Variants in CFAP418 observed in about 807,000 individuals in gnomAD.
The protein encoded by CFAP418 is cilia- and flagella-associated protein 418.
A neutral mutation model predicts 24.7 loss-of-function variants in CFAP418; 27 were observed. That is an observed-to-expected ratio of 1.09 (90% CI 0.81 to 1.51). The LOEUF (loss-of-function observed/expected upper bound fraction) is 1.51. CFAP418 is among the 40% of genes most tolerant of loss of function. The pLI is 0.00. For missense variants in CFAP418, 257 were observed against 255.2 expected (o/e 1.01, Z -0.05); for synonymous variants, 74 against 87.3 (o/e 0.85, Z 0.85).
rs550930511 is a variant in CFAP418 at position 95,267,737 on chromosome 8, G to A, written c.155+1298C>T. On this transcript the variant is annotated intron_variant, in intron 1 of 5. Coordinates refer to ENST00000286688, the MANE Select transcript of CFAP418 (RefSeq NM_177965.4). ...CCAAAGATGCAGCAAAAAAATTAACGGAGATGACGTTCTTAGATTGATCCA... is the reference window on the plus strand; with the variant it reads ...CCAAAGATGCAGCAAAAAAATTAACAGAGATGACGTTCTTAGATTGATCCA... 2.6e-4 allele frequency among the ~76,000 whole-genome samples: 39 copies of A among 152,230 alleles called. No homozygotes were observed. The East Asian group carries it at 6.2e-3, about 24-fold the overall frequency.
In CFAP418 at chr8:95,246,308, CAA is replaced by C. The variant is rs2132150570; in HGVS notation, c.*1307_*1308del. The C allele has an allele frequency of 6.6e-6, 1 of 152,226 alleles. No individual in the cohort carries two copies. The highest frequency in any genetic ancestry group is 2.4e-5 in the African/African-American group (1 of 41,520). The allele number at this position is 152,226 out of a possible 1,614,324, so 9.4% of individuals were successfully genotyped here. ...TTAGTCTGTCATAATATCCTTAATA[CAA>C]AAGTGTGAGGATTGGCCATTATAAG... is the stretch of plus-strand genomic sequence containing the variant. On this transcript the variant is annotated 3_prime_UTR_variant, in exon 6 of 6. Coordinates refer to ENST00000286688, the MANE Select transcript of CFAP418 (RefSeq NM_177965.4).
intron 2 of CFAP418, among the ~76,000 whole-genome samples, chr8:95,261,138 CAAACAACAT>C (rs1369919958): frequency 3.3e-5 from 5 of 152,022 alleles, no homozygotes; most frequent in Admixed American, 6.6e-5. Flanking sequence ...TATATGGTAC[CAAACAACAT>C]AAACCAACCA....
chr8:95,249,076 G>T (rs755622590), intron 5 of CFAP418, among the ~76,000 whole-genome samples: 3 of 152,068 alleles, frequency 2.0e-5, no homozygotes, highest in Admixed American at 2.0e-4. Context: ...AAAAAACCCC[G>T]CCAAAACTAA....
At chr8:95,257,575 G>A (rs912408977) in intron 4 of CFAP418, among the ~76,000 whole-genome samples, 3 of 151,912 alleles carry the variant, frequency 2.0e-5, no homozygotes, top group Non-Finnish European at 4.4e-5. Context: ...GGTCAATGAC[G>A]GACCACATAT....
chr8:95,263,315 G>C (rs969455213), intron 2 of CFAP418, among the ~76,000 whole-genome samples: 1 of 152,148 alleles, frequency 6.6e-6, no homozygotes, highest in Non-Finnish European at 1.5e-5. Context: ...CATGGGATAA[G>C]AGCAATGGCA....
At chr8:95,259,778 C>T (rs563368837) in intron 4 of CFAP418, 62 bp downstream of exon 4, 1 of 1,177,894 alleles carries the variant, frequency 8.5e-7, no homozygotes, top group Admixed American at 1.9e-5. Context: ...TACATTTTAA[C>T]AATGGGGCAT....
chr8:95,264,303 G>A (rs1811939921), intron 1 of CFAP418, among the ~76,000 whole-genome samples: 1 of 152,116 alleles, frequency 6.6e-6, no homozygotes. Flanking sequence ...TCTACCTTCT[G>A]CAGGCAAAGC....
rs1169852908 is a variant in CFAP418, at chr8:95,263,740, C to T, written c.190G>A (p.Asp64Asn). 6.2e-7 allele frequency: 1 copy of T among 1,609,186 alleles called. No homozygotes were observed. Among genetic ancestry groups the T allele is most frequent in the African/African-American group, 1.3e-5 (1 of 74,910 alleles). Residue 64 changes from aspartate to asparagine, a missense_variant, in exon 2 of 6, where the codon GAC becomes AAC. Physicochemically the swap from Asp to Asn is conservative, Grantham distance 23 (BLOSUM62 1). Coordinates refer to ENST00000286688, the MANE Select transcript of CFAP418 (RefSeq NM_177965.4). ...TETFKKEDDL[D>N]SLINEILEEP... ...TCAAGTATTTCATTAATAAGACTGTCAAGATCATCTTCTTTTTTAAATGTT... is the reference window on the plus strand; with the variant it reads ...TCAAGTATTTCATTAATAAGACTGTTAAGATCATCTTCTTTTTTAAATGTT...
intron 1 of CFAP418, among the ~76,000 whole-genome samples, chr8:95,267,461 C>T (rs934749335): frequency 1.3e-5 from 2 of 152,070 alleles, no homozygotes; most frequent in Non-Finnish European, 2.9e-5. Context: ...ATTAGCCAGG[C>T]GTGGTGGCGG....
chr8:95,267,288 C>T (rs1261966121), intron 1 of CFAP418, among the ~76,000 whole-genome samples: 1 of 152,100 alleles, frequency 6.6e-6, no homozygotes, highest in Non-Finnish European at 1.5e-5. Context: ...CTTTTATCTT[C>T]GCAGAGTGAA....
intron 1 of CFAP418, among the ~76,000 whole-genome samples, chr8:95,267,746 G>A (rs1048001008): frequency 8.5e-5 from 13 of 152,064 alleles, no homozygotes; most frequent in African/African-American, 3.1e-4. Context: ...CGGAGATGAC[G>A]TTCTTAGATT....
In CFAP418 at chr8:95,259,526, T is replaced by C. The variant is rs145134782; in HGVS notation, c.374+314A>G. On this transcript the variant is annotated intron_variant, in intron 4 of 5. Transcript: ENST00000286688. Reference sequence around the variant, plus strand: ...GTGGGTAAGGCATCATGTATCTGCATGGCCACTTTGCTTCCACTGCCTGGA... The same window carrying C: ...GTGGGTAAGGCATCATGTATCTGCACGGCCACTTTGCTTCCACTGCCTGGA... 1.9e-3 allele frequency among the ~76,000 whole-genome samples: 282 copies of C among 152,316 alleles called. 3 individuals are homozygous for C. Among genetic ancestry groups the C allele is most frequent in the Non-Finnish European group, 1.0e-3 (70 of 68,036 alleles).
Position 95,259,867 on chromosome 8 carries a change from C to A in CFAP418, c.347G>T (p.Cys116Phe), listed in dbSNP as rs1811857044. The change falls in exon 4 of 6, where the codon TGT (cysteine) becomes TTT (phenylalanine). Residue 116 changes from cysteine (C) to phenylalanine (F), a missense_variant. Physicochemically the swap from Cys to Phe is radical, Grantham distance 205. Coordinates refer to ENST00000286688, the MANE Select transcript of CFAP418 (RefSeq NM_177965.4). ...PVYLGGSSIP[C>F]GIGTNISWRA... The stretch of plus-strand genomic sequence containing the variant: ...CCATGAAATATTTGTTCCAATCCCA[C>A]ATGGAATAGAGCTTCCACCAAGGTA... 4 of 1,609,758 alleles carry A rather than the reference C, an allele frequency of 2.5e-6. No homozygotes were observed. The highest frequency in any genetic ancestry group is 2.2e-5 in the South Asian group (2 of 89,816).
chr8:95,251,456 C>G (rs1196250113), intron 5 of CFAP418, among the ~76,000 whole-genome samples: 1 of 152,092 alleles, frequency 6.6e-6, no homozygotes, highest in Non-Finnish European at 1.5e-5. Context: ...TGTGGGAAGA[C>G]AAAGCTGGAT....
intron 1 of CFAP418, among the ~76,000 whole-genome samples, chr8:95,264,339 A>G (rs1037028599): frequency 6.6e-6 from 1 of 152,216 alleles, no homozygotes; most frequent in African/African-American, 2.4e-5. Context: ...AATATAAACC[A>G]CTACTGCATA....
chr8:95,259,817 A>G (rs202241690), intron 4 of CFAP418, 23 bp downstream of exon 4: 3 of 1,572,570 alleles, frequency 1.9e-6, no homozygotes, highest in Admixed American at 1.8e-5. Flanking sequence ...GTAAGAAAGT[A>G]TAATACATTT....
chr8:95,247,798 A>C (rs763049841), intron 5 of CFAP418, 28 bp from the exon 6 acceptor site: 16 of 1,574,732 alleles, frequency 1.0e-5, no homozygotes, highest in South Asian at 2.4e-5. Context: ...AAGTTTTAGC[A>C]TAGTGGCTTT....
intron 2 of CFAP418, among the ~76,000 whole-genome samples, chr8:95,263,397 T>TA (rs1183244902): frequency 3.9e-5 from 6 of 152,180 alleles, no homozygotes; most frequent in Non-Finnish European, 8.8e-5. Flanking sequence ...AAAGTGTCCT[T>TA]AGATACTACA....
intron 4 of CFAP418, among the ~76,000 whole-genome samples, chr8:95,258,927 T>C (rs1345460409): frequency 2.0e-5 from 3 of 152,160 alleles, no homozygotes; most frequent in Admixed American, 6.5e-5. Flanking sequence ...GGCTATATCA[T>C]CTAGGTTTGT....
Sources: allele counts gnomAD v4.1 joint callset (sites outside exome capture counted in the v4.1 genomes callset), GRCh38; gene constraint gnomAD v4.1.1; transcripts MANE v1.5; gene names NCBI Gene and HGNC (gene_info 2026-07-23, HGNC 2026-07-21).